DNMBP: variants seen among roughly 807,000 people sequenced by gnomAD.
The protein encoded by DNMBP is dynamin-binding protein.
A neutral mutation model predicts 150.0 loss-of-function variants in DNMBP; 87 were observed. The ratio of observed to expected loss-of-function variants is 0.58; its 90% CI spans 0.49 to 0.69. DNMBP has a LOEUF of 0.69. Ranked by LOEUF, DNMBP falls within the 30% of genes least tolerant of loss-of-function variation. The probability of loss-of-function intolerance (pLI) is 0.00; values close to 1 mark genes in which losing one functional copy is unlikely to be tolerated. For synonymous variants in DNMBP, 711 were observed against 750.4 expected (o/e 0.95, Z 0.86); for missense variants, 1,774 against 1,949.0 (o/e 0.91, Z 1.69).
chr10:99,906,110 A>G (rs1410118003), intron 6 of DNMBP, among the ~76,000 whole-genome samples: 2 of 152,046 alleles, frequency 1.3e-5, no homozygotes, highest in Non-Finnish European at 2.9e-5. Context: ...AACATCCCAG[A>G]GCTGTTTCCT....
intron 4 of DNMBP, among the ~76,000 whole-genome samples, chr10:99,934,001 G>A (rs1390901776): frequency 6.6e-6 from 1 of 152,194 alleles, no homozygotes; most frequent in Non-Finnish European, 1.5e-5. Context: ...GTCCCAAAGT[G>A]TTGGGATTAC....
At chr10:99,913,954 T>A (rs768357209) in intron 4 of DNMBP, 17 of 1,392,102 alleles carry the variant, frequency 1.2e-5, no homozygotes, top group Non-Finnish European at 1.4e-5. Context: ...AGGACCTACC[T>A]GCAGTGCCCA....
intron 2 of DNMBP, among the ~76,000 whole-genome samples, chr10:99,971,196 T>C (rs2040673063): frequency 6.6e-6 from 1 of 151,990 alleles, no homozygotes; most frequent in African/African-American, 2.4e-5. Context: ...AGAGATGGAA[T>C]GGTAACAGAA....
intron 3 of DNMBP, among the ~76,000 whole-genome samples, chr10:99,961,415 C>T (rs2040563819): frequency 6.9e-6 from 1 of 143,924 alleles, no homozygotes; most frequent in Admixed American, 7.1e-5. Flanking sequence ...GCTGAGACTA[C>T]AGGCATGCGC....
In DNMBP at chr10:99,995,022, C is replaced by T. The variant is rs138829063; in HGVS notation, c.-11+14816G>A. Among the ~76,000 whole-genome samples the T allele has an allele frequency of 8.6e-5, 13 of 151,842 alleles. No individual in the cohort carries two copies. In the East Asian group the frequency reaches 2.5e-3, roughly 30 times the overall value. ...CCTATGGCTTCAGCCTCCCAAGCAG[C>T]TGGGCATGCGCCACTGTGCCCAGCT... On this transcript the variant is annotated intron_variant, in intron 1 of 16. Coordinates refer to ENST00000324109, the MANE Select transcript of DNMBP (RefSeq NM_015221.4).
At chr10:99,998,624 A>T (rs1370520882) in intron 1 of DNMBP, among the ~76,000 whole-genome samples, 1 of 152,004 alleles carries the variant, frequency 6.6e-6, no homozygotes, top group Non-Finnish European at 1.5e-5. Context: ...AATACAATAC[A>T]TGTACTTTTC....
chr10:99,957,205 C>T lies in DNMBP; in HGVS notation c.269G>A (p.Gly90Asp), dbSNP rs1380115403. ...QELDNLPLHRGDLVILDGIPT... is the reference protein window; with the variant it reads ...QELDNLPLHRDDLVILDGIPT... The stretch of plus-strand genomic sequence containing the variant: ...AATGCCATCGAGAATCACCAGGTCA[C>T]CTAAAGAAAAGAGGAGCAGAGATGG... The change falls in exon 4 of 17, where the codon GGT (glycine) becomes GAT (aspartate). Residue 90 changes from glycine to aspartate, a missense_variant and splice_region_variant. By Grantham distance (94) the Gly-to-Asp change is moderately conservative. Coordinates refer to ENST00000324109, the MANE Select transcript of DNMBP (RefSeq NM_015221.4). The T allele has an allele frequency of 2.5e-6, 4 of 1,599,366 alleles. No homozygotes were observed. In the South Asian group the frequency reaches 4.4e-5, roughly 18 times the overall value.
At chr10:99,889,003 CT>C (rs763069174) in intron 11 of DNMBP, 50 bp from the exon 12 acceptor site, 1 of 1,603,638 alleles carries the variant, frequency 6.2e-7, no homozygotes, top group East Asian at 2.2e-5. Context: ...AACTTTCCAG[CT>C]TTTGTCATAC....
intron 9 of DNMBP, among the ~76,000 whole-genome samples, chr10:99,896,661 T>C (rs1295886384): frequency 5.3e-5 from 8 of 152,188 alleles, no homozygotes; most frequent in Non-Finnish European, 1.5e-5. Flanking sequence ...CTGAAGTCAA[T>C]GCCTGGGTCT....
At chr10:99,952,116 T>C (rs2133323323) in intron 4 of DNMBP, among the ~76,000 whole-genome samples, 1 of 152,314 alleles carries the variant, frequency 6.6e-6, no homozygotes, top group East Asian at 1.9e-4. Flanking sequence ...ACTCTCTCTT[T>C]GCCTGCTATC....
At chr10:99,877,446 G>A (rs1230808327) in intron 16 of DNMBP, 110 bp from the exon 17 acceptor site, 2 of 779,994 alleles carry the variant, frequency 2.6e-6, no homozygotes, top group East Asian at 2.8e-5. Context: ...TGTGGCTACT[G>A]AGCCCCTGAA....
chr10:100,009,521 C>A (rs2041110007), intron 1 of DNMBP, among the ~76,000 whole-genome samples: 1 of 152,228 alleles, frequency 6.6e-6, no homozygotes, highest in Non-Finnish European at 1.5e-5. Flanking sequence ...GCCGGAGTGG[C>A]AGGGCGGTGC....
chr10:99,877,449 C>A, intron 16 of DNMBP, 113 bp from the exon 17 acceptor site: 1 of 744,946 alleles, frequency 1.3e-6, no homozygotes. Flanking sequence ...GGCTACTGAG[C>A]CCCTGAAATA....
chr10:99,989,646 G>A (rs532661067), intron 1 of DNMBP, among the ~76,000 whole-genome samples: 1 of 152,286 alleles, frequency 6.6e-6, no homozygotes, highest in South Asian at 2.1e-4. Context: ...GGGAGGCGGA[G>A]GTTGCAGTGA....
rs1413879650 is a variant in DNMBP, at chr10:99,956,254, T to C, written c.1220A>G (p.Glu407Gly). The C allele has an allele frequency of 6.2e-7, 1 of 1,613,636 alleles. No individual in the cohort carries two copies. The highest frequency in any genetic ancestry group is 1.7e-5 in the Admixed American group (1 of 59,926). The change falls in exon 4 of 17, where the codon GAA becomes GGA. Residue 407 changes from glutamate (E) to glycine (G), a missense_variant. Transcript: ENST00000324109. ...TTGGGAGGAAATACCATTGACTACT[T>C]CTGTAGGGTCAGATGTGGGAGAGTC... Reference protein sequence around the residue: ...ATDSPTSDPTEVVNGISSQPQ... With the variant: ...ATDSPTSDPTGVVNGISSQPQ...
rs530209398 is a variant in DNMBP at position 99,957,062 on chromosome 10, C to A, written c.412G>T (p.Ala138Ser). 6.2e-7 allele frequency: 1 copy of A among 1,614,186 alleles called. No individual in the cohort carries two copies. Among genetic ancestry groups the A allele is most frequent in the Admixed American group, 1.7e-5 (1 of 60,026 alleles). The change falls in exon 4 of 17, where the codon GCC (alanine) becomes TCC (serine). Residue 138 changes from alanine to serine, a missense_variant. By Grantham distance (99) the Ala-to-Ser change is moderately conservative (BLOSUM62 1). Transcript: ENST00000324109. ...SQSRQWHSQS[A>S]LFQIPEYSMG... ...GAATATTCCGGAATCTGAAACAGGGCGCTCTGGGAGTGCCACTGCCGGCTC... is the reference window on the plus strand; with the variant it reads ...GAATATTCCGGAATCTGAAACAGGGAGCTCTGGGAGTGCCACTGCCGGCTC...
rs747726572 is a variant in DNMBP, at chr10:99,986,594, C to CAAAAAAAAAAAAA, written c.-10-14473_-10-14461dup. Among the ~76,000 whole-genome samples the CAAAAAAAAAAAAA allele has an allele frequency of 2.9e-3, 213 of 74,146 alleles. 15 individuals carry two copies. The highest frequency in any genetic ancestry group is 4.5e-3 in the South Asian group (8 of 1,780). 48.6% of individuals were successfully genotyped at this position (74,146 alleles called of 152,430 possible). A position where few individuals can be genotyped will look rare whatever the true frequency, so the allele number is the denominator to read the frequency against. On this transcript the variant is annotated intron_variant, in intron 1 of 16. Transcript: ENST00000324109. ...TGGGAGACAGAGCAAGACTCCGTCT[C>CAAAAAAAAAAAAA]AAAAAAAAAAAAAAAAAAAAAAAAA...
chr10:99,880,486 C>G lies in DNMBP; in HGVS notation c.3998-125G>C, dbSNP rs566871555. The G allele has an allele frequency of 1.8e-5, 24 of 1,323,832 alleles. No individual in the cohort carries two copies. In the African/African-American group the frequency reaches 3.4e-4, roughly 19 times the overall value. 82.0% of individuals were successfully genotyped at this position (1,323,832 alleles called of 1,614,324 possible). On this transcript the variant is annotated intron_variant, in intron 15 of 16. Coordinates refer to ENST00000324109, the MANE Select transcript of DNMBP (RefSeq NM_015221.4). ...TGTAAAATGAAGAGTAAAACAAAAA[C>G]TCAAAAGCCAGGCCAATAGTGAGAG...
chr10:99,917,504 T>C (rs529616474), intron 4 of DNMBP, among the ~76,000 whole-genome samples: 5 of 152,364 alleles, frequency 3.3e-5, no homozygotes, highest in African/African-American at 1.2e-4. Context: ...ATGATGAATA[T>C]ATAATATTGC....
Sources: gnomAD v4.1 joint callset for allele counts (sites outside exome capture counted in the v4.1 genomes callset) on GRCh38, gnomAD v4.1.1 for gene constraint, MANE v1.5 for transcripts, NCBI Gene and HGNC (gene_info 2026-07-23, HGNC 2026-07-21) for gene names.